Variants in TMX2 observed in about 807,000 individuals in gnomAD.
TMX2 encodes thioredoxin-related transmembrane protein 2.
A neutral mutation model predicts 33.4 loss-of-function variants in TMX2; 20 were observed. The ratio of observed to expected loss-of-function variants is 0.60; its 90% confidence interval spans 0.42 to 0.87. The LOEUF (loss-of-function observed/expected upper bound fraction) is 0.87. TMX2 is among the 40% of genes least tolerant of loss of function. The pLI is 0.00. For missense variants in TMX2, 340 were observed against 370.7 expected, an observed-to-expected ratio of 0.92 and a Z score of 0.68; for synonymous variants, 166 against 140.7, an observed-to-expected ratio of 1.18 and a Z score of -1.27.
intron 1 of TMX2, among the ~76,000 whole-genome samples, chr11:57,725,319 A>G (rs763295615): frequency 5.3e-4 from 80 of 152,160 alleles, no homozygotes; most frequent in Non-Finnish European, 4.9e-4. Flanking sequence ...AATCTCCCTC[A>G]TTTGGTATCC....
intron 1 of TMX2, among the ~76,000 whole-genome samples, chr11:57,732,593 C>G (rs909767061): frequency 2.0e-5 from 3 of 152,144 alleles, no homozygotes; most frequent in South Asian, 4.1e-4. Context: ...TATTCTTACT[C>G]TGATAGAATT....
chr11:57,739,307 T>C lies in TMX2; in HGVS notation c.744+47T>C, dbSNP rs370939502. The C allele has an allele frequency of 1.9e-5, 30 of 1,608,888 alleles. No homozygotes were observed. The African/African-American group carries it at 3.7e-4, about 20-fold the overall frequency. ...TGCATGAAGGGTGCAGAACAGTAGGTGGGCTTTCAAGCCCTACCCGGGTTT... is the reference window on the plus strand; with the variant it reads ...TGCATGAAGGGTGCAGAACAGTAGGCGGGCTTTCAAGCCCTACCCGGGTTT... On this transcript the variant is annotated intron_variant, in intron 7 of 7. Coordinates refer to ENST00000278422, the MANE Select transcript of TMX2 (RefSeq NM_015959.4).
At chr11:57,720,331 A>G (rs1207845307) in intron 1 of TMX2, among the ~76,000 whole-genome samples, 1 of 152,300 alleles carries the variant, frequency 6.6e-6, no homozygotes, top group East Asian at 1.9e-4. Context: ...ACATGTGTTT[A>G]TTGTGTATAT....
chr11:57,717,322 A>G (rs1233864494), intron 1 of TMX2, among the ~76,000 whole-genome samples: 8 of 152,228 alleles, frequency 5.3e-5, no homozygotes, highest in Non-Finnish European at 8.8e-5. Flanking sequence ...AGAGGCTGCA[A>G]TCTCGGCACT....
chr11:57,730,299 C>T (rs1167513529), intron 1 of TMX2, among the ~76,000 whole-genome samples: 2 of 149,782 alleles, frequency 1.3e-5, no homozygotes, highest in African/African-American at 2.5e-5. Flanking sequence ...TGGTGGTGGG[C>T]GCCTATAATC....
intron 1 of TMX2, among the ~76,000 whole-genome samples, chr11:57,721,334 A>G (rs1180327803): frequency 5.5e-5 from 8 of 146,256 alleles, no homozygotes; most frequent in African/African-American, 2.0e-4. Context: ...TTATTTAAAT[A>G]AATAAATAAA....
chr11:57,722,428 T>G (rs1947697915), intron 1 of TMX2, among the ~76,000 whole-genome samples: 1 of 152,250 alleles, frequency 6.6e-6, no homozygotes, highest in South Asian at 2.1e-4. Context: ...GGCTCTCTCC[T>G]TCACCTTTTG....
rs1278147865 is a variant in TMX2, at chr11:57,738,957, T to G, written c.549-17T>G. The G allele has an allele frequency of 1.2e-6, 2 of 1,610,372 alleles. No individual in the cohort carries two copies. The highest frequency in any genetic ancestry group is 2.2e-5 in the South Asian group (2 of 90,732). ...CATTATTTTTTTTCAGCATATTAAA[T>G]AATATATTCTTTTCAGATACAACTG... On this transcript the variant is annotated splice_polypyrimidine_tract_variant and intron_variant, in intron 5 of 7. Coordinates refer to ENST00000278422, the MANE Select transcript of TMX2 (RefSeq NM_015959.4).
chr11:57,726,666 A>G (rs939839077), intron 1 of TMX2, among the ~76,000 whole-genome samples: 1 of 152,142 alleles, frequency 6.6e-6, no homozygotes, highest in Non-Finnish European at 1.5e-5. Flanking sequence ...TCTCCCAAAT[A>G]CCAGTATATG....
Position 57,740,138 on chromosome 11 carries a change from C to A in TMX2, c.784C>A (p.Gln262Lys). Residue 262 changes from glutamine (Q) to lysine (K), a missense_variant, in exon 8 of 8, where the codon CAG (glutamine) becomes AAG (lysine). By Grantham distance (53) the Gln-to-Lys change is moderately conservative. Around this residue, in one of 3 missense-constraint regions of TMX2, gnomAD observed 209 missense variants for 241.6 expected, o/e 0.87. Coordinates refer to ENST00000278422, the MANE Select transcript of TMX2 (RefSeq NM_015959.4). ...IREFNLNELYQRAKKLSKAGD... is the reference protein window; with the variant it reads ...IREFNLNELYKRAKKLSKAGD... The stretch of plus-strand genomic sequence containing the variant: ...AGAATTTAACTTAAATGAGCTATAC[C>A]AGCGGGCCAAGAAACTATCAAAGGC... 1.2e-6 allele frequency: 2 copies of A among 1,613,908 alleles called. No homozygotes were observed. The highest frequency in any genetic ancestry group is 1.3e-5 in the African/African-American group (1 of 75,020).
intron 1 of TMX2, among the ~76,000 whole-genome samples, chr11:57,735,503 A>G (rs1328822047): frequency 6.6e-6 from 1 of 152,028 alleles, no homozygotes; most frequent in East Asian, 1.9e-4. Flanking sequence ...GAGCCACAGC[A>G]CCCGGCCAGG....
intron 1 of TMX2, among the ~76,000 whole-genome samples, chr11:57,724,264 A>G (rs1474236467): frequency 6.6e-6 from 1 of 152,186 alleles, no homozygotes; most frequent in African/African-American, 2.4e-5. Flanking sequence ...TGGGCCAGAT[A>G]ATGCCATTAT....
chr11:57,734,361 A>G (rs1948611061), intron 1 of TMX2, among the ~76,000 whole-genome samples: 1 of 152,202 alleles, frequency 6.6e-6, no homozygotes, highest in South Asian at 2.1e-4. Flanking sequence ...TTGCAGTAGC[A>G]ATAGCTAGTC....
intron 1 of TMX2, among the ~76,000 whole-genome samples, chr11:57,721,352 T>G (rs921856724): frequency 4.0e-4 from 60 of 149,360 alleles, no homozygotes; most frequent in African/African-American, 1.4e-3. Flanking sequence ...AAAGTTTTTT[T>G]TTTTTTTTTT....
intron 2 of TMX2, 120 bp downstream of exon 2, chr11:57,737,788 T>C: frequency 6.3e-7 from 1 of 1,590,136 alleles, no homozygotes; most frequent in Non-Finnish European, 8.6e-7. Flanking sequence ...ATTCCAAGGC[T>C]GAATTTGAAC....
intron 1 of TMX2, chr11:57,718,330 G>A (rs552191115): frequency 2.6e-5 from 40 of 1,554,234 alleles, no homozygotes; most frequent in South Asian, 1.0e-4. Flanking sequence ...CCATTATGGC[G>A]TGTGAAGTCA....
chr11:57,739,853 C>T (rs995103275), intron 7 of TMX2, among the ~76,000 whole-genome samples: 1 of 152,084 alleles, frequency 6.6e-6, no homozygotes, highest in Admixed American at 6.5e-5. Flanking sequence ...CCCTGGCTTA[C>T]AGGGTTGTTT....
At chr11:57,716,706 T>C (rs1260957954) in intron 1 of TMX2, among the ~76,000 whole-genome samples, 10 of 114,246 alleles carry the variant, frequency 8.8e-5, no homozygotes, top group South Asian at 3.4e-4. Context: ...GCAGGCCGGG[T>C]GGGGGGCTGA....
At chr11:57,726,420 G>T (rs923763517) in intron 1 of TMX2, among the ~76,000 whole-genome samples, 1 of 150,832 alleles carries the variant, frequency 6.6e-6, no homozygotes, top group African/African-American at 2.4e-5. Context: ...CTCCATAAAA[G>T]ATAAGATTAA....
Sources: allele counts gnomAD v4.1 joint callset (sites outside exome capture counted in the v4.1 genomes callset), GRCh38; gene constraint gnomAD v4.1.1; regional missense constraint gnomAD v4.1.1; transcripts MANE v1.5; gene names NCBI Gene and HGNC (gene_info 2026-07-23, HGNC 2026-07-21).